ZNF609: variants seen among roughly 807,000 people sequenced by gnomAD.
The protein encoded by ZNF609 is zinc finger protein 609.
A neutral mutation model predicts 109.5 loss-of-function variants in ZNF609; 11 were observed. The ratio of observed to expected loss-of-function variants is 0.10; its 90% CI spans 0.06 to 0.17. The LOEUF is 0.17. Ranked by LOEUF, ZNF609 falls within the 10% of genes least tolerant of loss-of-function variation. The probability of loss-of-function intolerance (pLI) is 1.00; values close to 1 mark genes in which losing one functional copy is unlikely to be tolerated. For synonymous variants in ZNF609, 646 were observed against 662.0 expected (o/e 0.98, Z 0.37); for missense variants, 1,559 against 1,772.4 (o/e 0.88, Z 2.16).
chr15:64,464,852 T>A (rs1892989235), intron 1 of ZNF609, among the ~76,000 whole-genome samples: 1 of 152,206 alleles, frequency 6.6e-6, no homozygotes, highest in African/African-American at 2.4e-5. Flanking sequence ...AGCAGGTGGT[T>A]GAAGAATCAC....
At chr15:64,620,251 T>G (rs1252244731) in intron 2 of ZNF609, among the ~76,000 whole-genome samples, 3 of 152,178 alleles carry the variant, frequency 2.0e-5, no homozygotes, top group Non-Finnish European at 4.4e-5. Context: ...AGTACACATA[T>G]AGGCTGTGAA....
chr15:64,529,336 A>G, intron 2 of ZNF609: 1 of 726,682 alleles, frequency 1.4e-6, no homozygotes. Context: ...CCCCCCTGCA[A>G]GTGAGCCCCA....
chr15:64,555,125 G>C lies in ZNF609; in HGVS notation c.747+54959G>C, dbSNP rs540449424. On this transcript the variant is annotated intron_variant, in intron 2 of 9. Transcript: ENST00000326648. ...AAAAAAAAAGAATTTTCCACCCTGG[G>C]AGACCAAGGTGGGAGGATCGTTTGA... Among the ~76,000 whole-genome samples, 31 of 151,908 alleles carry C rather than the reference G, an allele frequency of 2.0e-4. No homozygotes were observed. The East Asian group carries it at 5.4e-3, about 27-fold the overall frequency.
intron 2 of ZNF609, among the ~76,000 whole-genome samples, chr15:64,583,867 T>A (rs763434362): frequency 4.6e-5 from 7 of 152,152 alleles, no homozygotes; most frequent in Non-Finnish European, 1.0e-4. Flanking sequence ...ATGCCACAAA[T>A]TGCTGATCTT....
chr15:64,644,985 CTT>C (rs1005528842), intron 3 of ZNF609, among the ~76,000 whole-genome samples: 2 of 137,126 alleles, frequency 1.5e-5, no homozygotes, highest in African/African-American at 2.7e-5. Context: ...CTTTCTTTTT[CTT>C]TCTTTCTTTC....
intron 2 of ZNF609, among the ~76,000 whole-genome samples, chr15:64,551,739 A>G (rs558327379): frequency 4.0e-5 from 6 of 150,222 alleles, no homozygotes; most frequent in African/African-American, 7.3e-5. Context: ...CAGCTGATCA[A>G]TGGGGCAGTG....
chr15:64,609,140 CT>C (rs1230899189), intron 2 of ZNF609, among the ~76,000 whole-genome samples: 23 of 109,870 alleles, frequency 2.1e-4, no homozygotes, highest in African/African-American at 7.7e-4. Context: ...TTTTTTCTTT[CT>C]TTTTTTTCTC....
intron 1 of ZNF609, among the ~76,000 whole-genome samples, chr15:64,473,780 A>AT (rs1192967328): frequency 6.6e-6 from 1 of 151,378 alleles, no homozygotes; most frequent in Non-Finnish European, 1.5e-5. Flanking sequence ...TAATTTTTGT[A>AT]TTTTTTTGAG....
chr15:64,471,353 T>G (rs1893088236), intron 1 of ZNF609: 1 of 148,660 alleles, frequency 6.7e-6, no homozygotes, highest in African/African-American at 2.6e-5. Flanking sequence ...AGAGCAAAAT[T>G]GTGTCTTTAA....
chr15:64,663,316 C>G (rs1366595424), intron 3 of ZNF609, among the ~76,000 whole-genome samples: 1 of 152,026 alleles, frequency 6.6e-6, no homozygotes, highest in African/African-American at 2.4e-5. Context: ...AGGAGAGGAA[C>G]CAAGTAAAAC....
intron 1 of ZNF609, among the ~76,000 whole-genome samples, chr15:64,477,859 A>G (rs1425201753): frequency 6.6e-6 from 1 of 151,708 alleles, no homozygotes; most frequent in East Asian, 1.9e-4. Flanking sequence ...GGAACTCCTG[A>G]CATCAGGTGA....
intron 2 of ZNF609, among the ~76,000 whole-genome samples, chr15:64,572,204 G>GT (rs1894869175): frequency 6.6e-6 from 1 of 152,198 alleles, no homozygotes; most frequent in Non-Finnish European, 1.5e-5. Flanking sequence ...CCTGAATACT[G>GT]TATTTAAAAC....
intron 1 of ZNF609, among the ~76,000 whole-genome samples, chr15:64,468,400 T>A (rs2140328441): frequency 6.6e-6 from 1 of 151,490 alleles, no homozygotes; most frequent in South Asian, 2.1e-4. Context: ...CATTCCAGCC[T>A]CAATGCCACC....
intron 1 of ZNF609, among the ~76,000 whole-genome samples, chr15:64,473,740 C>T (rs1471224861): frequency 1.3e-5 from 2 of 151,590 alleles, no homozygotes; most frequent in African/African-American, 4.8e-5. Context: ...CAAAGAGCTG[C>T]GATTACAGGT....
intron 3 of ZNF609, among the ~76,000 whole-genome samples, chr15:64,653,607 C>T (rs1428162960): frequency 1.3e-5 from 2 of 152,070 alleles, no homozygotes; most frequent in Non-Finnish European, 2.9e-5. Flanking sequence ...GATCGTGCCA[C>T]TGCACTCCAC....
At chr15:64,579,768 T>C (rs1895066437) in intron 2 of ZNF609, among the ~76,000 whole-genome samples, 1 of 152,200 alleles carries the variant, frequency 6.6e-6, no homozygotes, top group South Asian at 2.1e-4. Flanking sequence ...CTTTGTGCTA[T>C]TATTGTCATA....
At chr15:64,633,714 G>T (rs1477296414) in intron 3 of ZNF609, among the ~76,000 whole-genome samples, 1 of 152,048 alleles carries the variant, frequency 6.6e-6, no homozygotes, top group Non-Finnish European at 1.5e-5. Context: ...TTGTTATCTG[G>T]TCTTTTGTTG....
chr15:64,633,774 G>A (rs374238119), intron 3 of ZNF609, among the ~76,000 whole-genome samples: 4 of 151,706 alleles, frequency 2.6e-5, no homozygotes, highest in Non-Finnish European at 5.9e-5. Context: ...CCAGCTACTC[G>A]GGAGTCTGAG....
At chr15:64,575,956 G>A (rs1206225829) in intron 2 of ZNF609, among the ~76,000 whole-genome samples, 1 of 152,102 alleles carries the variant, frequency 6.6e-6, no homozygotes, top group Non-Finnish European at 1.5e-5. Flanking sequence ...CAAAAAATTA[G>A]TCAGGCGCGG....
Sources: allele counts gnomAD v4.1 joint callset (sites outside exome capture counted in the v4.1 genomes callset), GRCh38; gene constraint gnomAD v4.1.1; transcripts MANE v1.5; gene names NCBI Gene and HGNC (gene_info 2026-07-23, HGNC 2026-07-21).